The following FBXO11 variants were observed in gnomAD, a reference collection of about 807,000 sequenced individuals.
FBXO11 encodes the protein F-box protein 11.
Under a neutral mutation model 117.0 loss-of-function variants are expected in FBXO11, and 13 were observed. The ratio of observed to expected loss-of-function variants is 0.11; its 90% confidence interval spans 0.07 to 0.18. FBXO11 has a LOEUF of 0.18. Ranked by LOEUF, FBXO11 falls within the 10% of genes least tolerant of loss-of-function variation. The probability of loss-of-function intolerance (pLI) is 1.00; values close to 1 mark genes in which losing one functional copy is unlikely to be tolerated. For missense variants in FBXO11, 767 were observed against 1,164.4 expected (o/e 0.66, Z 4.97); for synonymous variants, 490 against 380.5 (o/e 1.29, Z -3.35).
intron 1 of FBXO11, among the ~76,000 whole-genome samples, chr2:47,865,437 T>C (rs1251649123): frequency 6.6e-6 from 1 of 152,186 alleles, no homozygotes; most frequent in African/African-American, 2.4e-5. Context: ...AGAAAGAATG[T>C]TGGAGAGTGA....
intron 1 of FBXO11, among the ~76,000 whole-genome samples, chr2:47,861,397 C>T (rs1424790818): frequency 6.6e-6 from 1 of 150,528 alleles, no homozygotes; most frequent in Admixed American, 6.6e-5. Context: ...TGGCTCACTG[C>T]AGCCTCGATC....
intron 1 of FBXO11, among the ~76,000 whole-genome samples, chr2:47,868,858 T>C (rs1675398333): frequency 6.6e-6 from 1 of 152,096 alleles, no homozygotes; most frequent in African/African-American, 2.4e-5. Flanking sequence ...ACCATTTCCA[T>C]GATGAAAAAG....
At chr2:47,905,386 A>C in intron 1 of FBXO11, 103 bp downstream of exon 1, 4 of 1,046,278 alleles carry the variant, frequency 3.8e-6, no homozygotes, top group East Asian at 5.3e-5. Context: ...TCCCACCCCC[A>C]GGGCGCGCAG....
chr2:47,884,300 C>T (rs1368563222), intron 1 of FBXO11, among the ~76,000 whole-genome samples: 5 of 152,152 alleles, frequency 3.3e-5, no homozygotes, highest in Non-Finnish European at 5.9e-5. Flanking sequence ...CACATGTGTA[C>T]AGCTCTACTT....
At chr2:47,813,909 A>C in intron 16 of FBXO11, 42 bp from the exon 17 acceptor site, 1 of 1,403,916 alleles carries the variant, frequency 7.1e-7, no homozygotes, top group Non-Finnish European at 1.0e-6. Flanking sequence ...AATAGCTTCT[A>C]CTCCCATATC....
At chr2:47,877,884 C>A (rs932984193) in intron 1 of FBXO11, among the ~76,000 whole-genome samples, 1 of 152,180 alleles carries the variant, frequency 6.6e-6, no homozygotes, top group Non-Finnish European at 1.5e-5. Context: ...GGGGTTTTAC[C>A]ATGTTGATCA....
At chr2:47,828,896 A>ACT (rs1671968744) in intron 11 of FBXO11, among the ~76,000 whole-genome samples, 1 of 152,176 alleles carries the variant, frequency 6.6e-6, no homozygotes, top group Non-Finnish European at 1.5e-5. Context: ...ATGAAATCTA[A>ACT]TGGCATGAAT....
intron 1 of FBXO11, among the ~76,000 whole-genome samples, chr2:47,878,344 C>G (rs1317351252): frequency 6.6e-6 from 1 of 151,924 alleles, no homozygotes; most frequent in Non-Finnish European, 1.5e-5. Flanking sequence ...TATTTAACAC[C>G]TTGCCTTTTG....
At chr2:47,813,560 T>C (rs142497508) in intron 17 of FBXO11, among the ~76,000 whole-genome samples, 183 bp from the exon 18 acceptor site, 10,938 of 148,862 alleles carry the variant, frequency 0.073, 557 homozygotes, top group Non-Finnish European at 0.11. Flanking sequence ...GCCTCCCAAG[T>C]AGCTGGGAAT....
At position 47,905,638 on chromosome 2, in the gene FBXO11, G is replaced by C; in HGVS notation, c.83C>G (p.Pro28Arg). The change falls in exon 1 of 23, where the codon CCG becomes CGG. Residue 28 changes from proline to arginine, a missense_variant. Physicochemically the swap from Pro to Arg is moderately radical, Grantham distance 103 (BLOSUM62 -2). Coordinates refer to ENST00000403359, the MANE Select transcript of FBXO11 (RefSeq NM_001190274.2). Reference protein sequence around the residue: ...RPVQQQQQQPPQQPPPQPPQQ... With the variant: ...RPVQQQQQQPRQQPPPQPPQQ... ...GGGCGGCTGCGGCGGCGGCTGCTGC[G>C]GGGGCTGCTGCTGCTGTTGCTGCAC... The C allele has an allele frequency of 7.0e-7, 1 of 1,421,424 alleles. No individual in the cohort carries two copies. The highest frequency in any genetic ancestry group is 9.2e-7 in the Non-Finnish European group (1 of 1,084,624). The allele number at this position is 1,421,424 out of a possible 1,614,324, so 88.1% of individuals were successfully genotyped here. A position where few individuals can be genotyped will look rare whatever the true frequency, so the allele number is the denominator to read the frequency against.
chr2:47,891,968 G>C (rs759178666), intron 1 of FBXO11, among the ~76,000 whole-genome samples: 3 of 152,052 alleles, frequency 2.0e-5, no homozygotes, highest in African/African-American at 7.2e-5. Flanking sequence ...TAGGTTATTA[G>C]TTTTTCTGCC....
chr2:47,835,806 T>C lies in FBXO11; in HGVS notation c.717+66A>G. ...AGCCACCACGCCCAGCCTAAACTTATTTCTTAAAAGAAAGTTATTTACAAA... is the reference window on the plus strand; with the variant it reads ...AGCCACCACGCCCAGCCTAAACTTACTTCTTAAAAGAAAGTTATTTACAAA... On this transcript the variant is annotated intron_variant, in intron 5 of 22. Coordinates refer to ENST00000403359, the MANE Select transcript of FBXO11 (RefSeq NM_001190274.2). The C allele has an allele frequency of 3.0e-6, 4 of 1,335,366 alleles. No individual in the cohort carries two copies. The Middle Eastern group carries it at 1.1e-3, about 356-fold the overall frequency. The allele number at this position is 1,335,366 out of a possible 1,614,324, so 82.7% of individuals were successfully genotyped here.
chr2:47,826,894 A>G (rs1206595284), intron 11 of FBXO11, among the ~76,000 whole-genome samples: 1 of 151,980 alleles, frequency 6.6e-6, no homozygotes, highest in African/African-American at 2.4e-5. Flanking sequence ...TCTCCTATAA[A>G]TCACCTCTTA....
chr2:47,818,368 C>G (rs1365293309), intron 16 of FBXO11: 1 of 157,806 alleles, frequency 6.3e-6, no homozygotes, highest in African/African-American at 2.4e-5. Context: ...ATTCCAAAAA[C>G]TTAAAATATT....
intron 1 of FBXO11, among the ~76,000 whole-genome samples, chr2:47,864,842 A>G (rs1011175996): frequency 6.6e-6 from 1 of 152,122 alleles, no homozygotes; most frequent in Non-Finnish European, 1.5e-5. Flanking sequence ...AAATGAATCA[A>G]CATGTATTAT....
intron 12 of FBXO11, among the ~76,000 whole-genome samples, chr2:47,822,817 T>C (rs1449229745): frequency 6.6e-6 from 1 of 152,188 alleles, no homozygotes; most frequent in Non-Finnish European, 1.5e-5. Context: ...GAAGACAAAG[T>C]CCTTCAAGCT....
intron 1 of FBXO11, among the ~76,000 whole-genome samples, chr2:47,874,294 T>TA (rs1675837100): frequency 6.6e-6 from 1 of 152,138 alleles, no homozygotes; most frequent in African/African-American, 2.4e-5. Context: ...TTTGTTGTGT[T>TA]ACATTTATCC....
chr2:47,860,100 CT>C (rs1157842007), intron 1 of FBXO11, among the ~76,000 whole-genome samples: 1 of 152,098 alleles, frequency 6.6e-6, no homozygotes, highest in African/African-American at 2.4e-5. Context: ...TAAATGAGAG[CT>C]TAAGAGGTTT....
At chr2:47,823,103 A>G in intron 12 of FBXO11, 40 bp downstream of exon 12, 3 of 1,438,164 alleles carry the variant, frequency 2.1e-6, no homozygotes, top group Non-Finnish European at 2.9e-6. Context: ...CAAACCTTGA[A>G]GTGAAAAAGT....
Sources: gnomAD v4.1 joint callset for allele counts (sites outside exome capture counted in the v4.1 genomes callset) on GRCh38, gnomAD v4.1.1 for gene constraint, MANE v1.5 for transcripts, NCBI Gene and HGNC (gene_info 2026-07-23, HGNC 2026-07-21) for gene names.